The following MEF2D variants were observed in gnomAD, a reference collection of about 807,000 sequenced individuals.
The protein encoded by MEF2D is myocyte enhancer factor 2D, also known as myocyte-specific enhancer factor 2D.
A neutral mutation model predicts 59.3 loss-of-function variants in MEF2D; 10 were observed. The observed-to-expected ratio is 0.17, with a 90% CI of 0.10 to 0.29. The LOEUF (loss-of-function observed/expected upper bound fraction) is 0.29, where lower values mean the gene tolerates loss of function less well. MEF2D is among the 10% of genes least tolerant of loss of function. The probability of loss-of-function intolerance (pLI) is 1.00; values close to 1 mark genes in which losing one functional copy is unlikely to be tolerated. For missense variants in MEF2D, 508 were observed against 699.4 expected (o/e 0.73, Z 3.09); for synonymous variants, 305 against 295.0 (o/e 1.03, Z -0.35).
In MEF2D at chr1:156,466,331, C is replaced by T. The variant is rs971380135; in HGVS notation, c.*1314G>A. 1 of 152,706 alleles carries T rather than the reference C, an allele frequency of 6.5e-6. No homozygotes were observed. Among genetic ancestry groups the T allele is most frequent in the Admixed American group, 6.5e-5 (1 of 15,284 alleles). The allele number at this position is 152,706 out of a possible 1,614,324, so 9.5% of individuals were successfully genotyped here. Reference sequence around the variant, plus strand: ...AAAACAGTTTCCTGGACTGTTACACCGCTAACGTTTTCCAAAGGTCGCTAT... The same window carrying T: ...AAAACAGTTTCCTGGACTGTTACACTGCTAACGTTTTCCAAAGGTCGCTAT... On this transcript the variant is annotated 3_prime_UTR_variant, in exon 12 of 12. Transcript: ENST00000348159.
rs200141724 is a variant in MEF2D, at chr1:156,467,970, C to G, written c.1554+23G>C. 7 of 1,596,432 alleles carry G rather than the reference C, an allele frequency of 4.4e-6. No individual in the cohort carries two copies. The South Asian group carries it at 7.9e-5, about 18-fold the overall frequency. ...CCTGGGTGTAGCAGACACTGGCAGA[C>G]AGGAGAGGTGATGCTACAGTACCCA... is the stretch of plus-strand genomic sequence containing the variant. On this transcript the variant is annotated intron_variant, in intron 11 of 11. Coordinates refer to ENST00000348159, the MANE Select transcript of MEF2D (RefSeq NM_005920.4).
intron 7 of MEF2D, 28 bp downstream of exon 7, chr1:156,476,984 C>T: frequency 6.2e-7 from 1 of 1,612,820 alleles, no homozygotes. Context: ...TTCCCCAGCC[C>T]CCACCCTTGG....
intron 3 of MEF2D, among the ~76,000 whole-genome samples, 180 bp downstream of exon 3, chr1:156,482,257 G>C (rs564374182): frequency 1.6e-4 from 24 of 152,358 alleles, no homozygotes; most frequent in Admixed American, 1.5e-3. Context: ...TTCCTCCTCA[G>C]ACCCTGGGTT....
chr1:156,477,667 G>A (rs1051408400), intron 6 of MEF2D, among the ~76,000 whole-genome samples: 2 of 152,120 alleles, frequency 1.3e-5, no homozygotes, highest in Non-Finnish European at 2.9e-5. Context: ...CCTGGAATCC[G>A]GGCCTCACTG....
chr1:156,487,682 T>A (rs1230977370), intron 1 of MEF2D, among the ~76,000 whole-genome samples: 1 of 152,126 alleles, frequency 6.6e-6, no homozygotes, highest in Non-Finnish European at 1.5e-5. Context: ...TCCTACCCAA[T>A]TAGGGAGGTT....
At chr1:156,472,519 TAC>T (rs1457814061) in intron 9 of MEF2D, among the ~76,000 whole-genome samples, 2 of 152,216 alleles carry the variant, frequency 1.3e-5, no homozygotes, top group African/African-American at 4.8e-5. Flanking sequence ...GGGGCTTTCC[TAC>T]ACAGAGGGCT....
chr1:156,467,692 G>T (rs369014216), intron 11 of MEF2D, 36 bp from the exon 12 acceptor site: 2 of 1,350,624 alleles, frequency 1.5e-6, no homozygotes, highest in African/African-American at 3.0e-5. Flanking sequence ...GGGTGTGAGG[G>T]GGTGGCCCAG....
At chr1:156,491,729 G>T (rs944448331) in intron 1 of MEF2D, among the ~76,000 whole-genome samples, 3 of 152,216 alleles carry the variant, frequency 2.0e-5, no homozygotes, top group Non-Finnish European at 4.4e-5. Flanking sequence ...CCAAGCCTAA[G>T]GCTGTCTTCA....
Position 156,466,988 on chromosome 1 carries a change from A to G in MEF2D, c.*657T>C, listed in dbSNP as rs1406040040. The G allele has an allele frequency of 1.3e-5, 2 of 152,562 alleles. No homozygotes were observed. The highest frequency in any genetic ancestry group is 2.9e-5 in the Non-Finnish European group (2 of 68,156). The allele number at this position is 152,562 out of a possible 1,614,324, so 9.5% of individuals were successfully genotyped here. ...CCGGCCCAAAGCTCAGCCAGCACCC[A>G]CACACCTTGGGGGTGCAGCACACAC... On this transcript the variant is annotated 3_prime_UTR_variant, in exon 12 of 12. Transcript: ENST00000348159.
At chr1:156,486,838 G>A (rs1672402225) in intron 1 of MEF2D, among the ~76,000 whole-genome samples, 1 of 152,212 alleles carries the variant, frequency 6.6e-6, no homozygotes, top group Non-Finnish European at 1.5e-5. Context: ...TTGAAAAGAA[G>A]AAAATACTAT....
chr1:156,499,010 T>C (rs1673313682), intron 1 of MEF2D, among the ~76,000 whole-genome samples: 1 of 152,176 alleles, frequency 6.6e-6, no homozygotes, highest in Non-Finnish European at 1.5e-5. Flanking sequence ...CTGTGAACAC[T>C]GACATGTGCC....
chr1:156,480,746 C>A (rs1027249502), intron 4 of MEF2D, 88 bp downstream of exon 4: 1 of 1,611,018 alleles, frequency 6.2e-7, no homozygotes, highest in Non-Finnish European at 8.5e-7. Context: ...CACCTCAGGG[C>A]TCTCACATTC....
rs112321579 is a variant in MEF2D, at chr1:156,467,658, T to C, written c.1555-2A>G. 7.5e-7 allele frequency: 1 copy of C among 1,336,404 alleles called. No homozygotes were observed. The highest frequency in any genetic ancestry group is 9.7e-7 in the Non-Finnish European group (1 of 1,035,508). The allele number at this position is 1,336,404 out of a possible 1,614,324, so 82.8% of individuals were successfully genotyped here. On this transcript the variant is annotated splice_acceptor_variant, in intron 11 of 11. Coordinates refer to ENST00000348159, the MANE Select transcript of MEF2D (RefSeq NM_005920.4). LOFTEE classifies it high-confidence loss of function. ...GAGTGGGAATCGTCACTTTAATGTC[T>C]GTGAAGAGAGGAGATGGAGAAGGGG...
Position 156,479,905 on chromosome 1 carries a change from C to T in MEF2D, c.397-109G>A, listed in dbSNP as rs1671879634. 21 of 1,087,520 alleles carry T rather than the reference C, an allele frequency of 1.9e-5. 1 individual carries two copies. In the South Asian group the frequency reaches 2.9e-4, roughly 15 times the overall value. The allele number at this position is 1,087,520 out of a possible 1,614,324, so 67.4% of individuals were successfully genotyped here. A position where few individuals can be genotyped will look rare whatever the true frequency, so the allele number is the denominator to read the frequency against. On this transcript the variant is annotated intron_variant, in intron 4 of 11. Coordinates refer to ENST00000348159, the MANE Select transcript of MEF2D (RefSeq NM_005920.4). ...TTCTTCTCATTTCTGGGCTACGCAT[C>T]CTAGGGCCAGCAGTTCAAGCTCCCT...
chr1:156,490,259 C>T (rs1005011654), intron 1 of MEF2D, among the ~76,000 whole-genome samples: 2 of 152,120 alleles, frequency 1.3e-5, no homozygotes, highest in Non-Finnish European at 2.9e-5. Context: ...GCTCCGTTCC[C>T]TCTGCCCCCT....
intron 4 of MEF2D, among the ~76,000 whole-genome samples, 153 bp from the exon 5 acceptor site, chr1:156,479,949 G>A (rs1313538500): frequency 6.6e-6 from 1 of 152,098 alleles, no homozygotes; most frequent in Non-Finnish European, 1.5e-5. Flanking sequence ...CCCTTGTGGA[G>A]TCCTGCCTGC....
intron 11 of MEF2D, 60 bp from the exon 12 acceptor site, chr1:156,467,716 AC>A (rs1378821035): frequency 3.8e-6 from 5 of 1,320,834 alleles, no homozygotes; most frequent in Non-Finnish European, 4.9e-6. Flanking sequence ...TTGGGTATGC[AC>A]CCCCCACTCC....
At position 156,468,340 on chromosome 1, in the gene MEF2D, C is replaced by T; in HGVS notation, c.1248-41G>A. On this transcript the variant is annotated intron_variant, in intron 10 of 11. Coordinates refer to ENST00000348159, the MANE Select transcript of MEF2D (RefSeq NM_005920.4). This position sits in a 1 kb window ranked among gnomAD's most constrained non-coding sequence, Gnocchi z 4.3. ...GGAAATGGGGTACAAGGGATAAAAA[C>T]AGAGGGGGTGAGTGACAGAACAAGT... 1.4e-6 allele frequency: 2 copies of T among 1,420,210 alleles called. No individual in the cohort carries two copies. The highest frequency in any genetic ancestry group is 1.9e-6 in the Non-Finnish European group (2 of 1,046,702). 88.0% of individuals were successfully genotyped at this position (1,420,210 alleles called of 1,614,324 possible).
chr1:156,491,463 ACAGT>A (rs1672786080), intron 1 of MEF2D, among the ~76,000 whole-genome samples: 1 of 152,210 alleles, frequency 6.6e-6, no homozygotes, highest in Non-Finnish European at 1.5e-5. Context: ...GCGCTAGAAG[ACAGT>A]CAGGATGGGG....
Sources: allele counts gnomAD v4.1 joint callset (sites outside exome capture counted in the v4.1 genomes callset), GRCh38; gene constraint gnomAD v4.1.1; non-coding constraint Gnocchi (gnomAD v3.1); transcripts MANE v1.5; gene names NCBI Gene and HGNC (gene_info 2026-07-23, HGNC 2026-07-21).